The following TBC1D5 variants were observed in gnomAD, a reference collection of about 807,000 sequenced individuals.
The protein encoded by TBC1D5 is TBC1 domain family member 5, also known as TBC1 domain family, member 5.
In TBC1D5, 75 loss-of-function variants were observed where a neutral mutation model predicts 100.3. The observed-to-expected ratio is 0.75, with a 90% confidence interval of 0.62 to 0.91. The LOEUF is 0.91. Among genes scored for constraint, TBC1D5 ranks in the 40% least tolerant of loss-of-function variants. TBC1D5 has a pLI of 0.00. For synonymous variants in TBC1D5, 323 were observed against 325.6 expected, an observed-to-expected ratio of 0.99 and a Z score of 0.09; for missense variants, 910 against 942.4, an observed-to-expected ratio of 0.97 and a Z score of 0.45.
chr3:17,473,553 G>T (rs2095405575), intron 3 of TBC1D5, among the ~76,000 whole-genome samples: 2 of 152,104 alleles, frequency 1.3e-5, no homozygotes, highest in Admixed American at 1.3e-4. Flanking sequence ...AGAGAAAGAG[G>T]TTTTTCAACT....
At chr3:17,504,533 G>T (rs2095824041) in intron 3 of TBC1D5, among the ~76,000 whole-genome samples, 1 of 152,154 alleles carries the variant, frequency 6.6e-6, no homozygotes, top group Non-Finnish European at 1.5e-5. Context: ...AATGGCATGT[G>T]TGAAGGCCCA....
intron 1 of TBC1D5, among the ~76,000 whole-genome samples, chr3:17,712,571 T>C (rs137952570): frequency 1.3e-5 from 2 of 152,332 alleles, no homozygotes; most frequent in African/African-American, 4.8e-5. Flanking sequence ...GAAAACTACT[T>C]AGCCCAGTTT....
intron 1 of TBC1D5, among the ~76,000 whole-genome samples, chr3:17,638,084 ATTC>A (rs745710579): frequency 1.1e-4 from 17 of 152,052 alleles, no homozygotes; most frequent in Admixed American, 2.0e-4. Flanking sequence ...TTTTTACTTT[ATTC>A]TTCTTCTTTT....
intron 18 of TBC1D5, among the ~76,000 whole-genome samples, chr3:17,212,759 A>G (rs1045344407): frequency 2.0e-5 from 3 of 152,106 alleles, no homozygotes; most frequent in Non-Finnish European, 4.4e-5. Flanking sequence ...AAATAGAAAA[A>G]AGCTATAGAA....
chr3:17,372,353 C>T, intron 12 of TBC1D5, 106 bp from the exon 13 acceptor site: 3 of 1,010,380 alleles, frequency 3.0e-6, no homozygotes, highest in Non-Finnish European at 4.1e-6. Flanking sequence ...TTATTATCTG[C>T]CTACTACTCA....
At chr3:17,645,014 G>A (rs973733194) in intron 1 of TBC1D5, among the ~76,000 whole-genome samples, 3 of 152,070 alleles carry the variant, frequency 2.0e-5, no homozygotes, top group Non-Finnish European at 2.9e-5. Flanking sequence ...ACTATTAAAC[G>A]GGGTCACTGG....
At chr3:17,372,319 C>CCATATATTTAAACAAGAAGTCTTATTT (rs2092507563) in intron 12 of TBC1D5, 72 bp from the exon 13 acceptor site, 1 of 1,338,582 alleles carries the variant, frequency 7.5e-7, no homozygotes, top group Non-Finnish European at 1.0e-6. Context: ...CATTCTTTAT[C>CCATATATTTAAACAAGAAGTCTTATTT]AATGACAGTT....
intron 20 of TBC1D5, 108 bp downstream of exon 21, chr3:17,167,641 T>G: frequency 1.1e-6 from 1 of 934,696 alleles, no homozygotes; most frequent in African/African-American, 1.7e-5. Context: ...TGGGAGGAAA[T>G]GAGGGTTAGG....
chr3:17,726,085 A>C (rs1457725500), intron 1 of TBC1D5, among the ~76,000 whole-genome samples: 1 of 152,188 alleles, frequency 6.6e-6, no homozygotes, highest in Non-Finnish European at 1.5e-5. Flanking sequence ...CATGGTGTGT[A>C]TGTACCACAT....
chr3:17,178,255 C>T (rs1575763812), intron 19 of TBC1D5, among the ~76,000 whole-genome samples: 2 of 151,874 alleles, frequency 1.3e-5, no homozygotes, highest in Non-Finnish European at 2.9e-5. Flanking sequence ...TTAGTAGAGA[C>T]GGGGTTTCAC....
chr3:17,205,897 C>A lies in TBC1D5; in HGVS notation c.1752+8310G>T, dbSNP rs116767563. Among the ~76,000 whole-genome samples, 1,399 of 152,294 alleles carry A rather than the reference C, an allele frequency of 9.2e-3. 23 individuals carry two copies. The highest frequency in any genetic ancestry group is 0.031 in the African/African-American group (1,306 of 41,560). On this transcript the variant is annotated intron_variant, in intron 18 of 21. Coordinates refer to ENST00000253692, the Ensembl canonical transcript of TBC1D5. ...GAAAGATGGTGATGCTACTCAACAG[C>A]TGAATAATCCAACCGTAGACCTATT...
At chr3:17,657,573 G>C (rs78398054) in intron 1 of TBC1D5, among the ~76,000 whole-genome samples, 10,802 of 152,056 alleles carry the variant, frequency 0.071, 738 homozygotes, top group East Asian at 0.27. Context: ...CTGACCTCGT[G>C]ATCTGCCCGC....
intron 21 of TBC1D5, among the ~76,000 whole-genome samples, chr3:17,163,751 AGCAGC>A (rs1360893637): frequency 6.6e-6 from 1 of 152,228 alleles, no homozygotes; most frequent in African/African-American, 2.4e-5. Context: ...TACTCAATAC[AGCAGC>A]CCCTAGCCAC....
intron 2 of TBC1D5, among the ~76,000 whole-genome samples, chr3:17,569,330 C>T (rs2096612452): frequency 6.6e-6 from 1 of 151,678 alleles, no homozygotes; most frequent in Non-Finnish European, 1.5e-5. Flanking sequence ...CTAGAAAAGT[C>T]TATTCAATTT....
intron 13 of TBC1D5, among the ~76,000 whole-genome samples, chr3:17,325,074 AT>A (rs145999197): frequency 0.089 from 13,520 of 152,160 alleles, 1,367 homozygotes; most frequent in African/African-American, 0.25. Flanking sequence ...TTGAACATAT[AT>A]TTTATCAAAC....
intron 1 of TBC1D5, among the ~76,000 whole-genome samples, chr3:17,650,621 G>T (rs2065458119): frequency 6.6e-6 from 1 of 152,088 alleles, no homozygotes; most frequent in African/African-American, 2.4e-5. Flanking sequence ...TTTGAATTTG[G>T]TACGATTCTC....
intron 15 of TBC1D5, among the ~76,000 whole-genome samples, chr3:17,263,115 G>A (rs1157450321): frequency 6.7e-6 from 1 of 150,320 alleles, no homozygotes; most frequent in African/African-American, 2.5e-5. Context: ...GCTGAGGCAG[G>A]AGGATCACTT....
At chr3:17,260,619 AG>A (rs2078193554) in intron 15 of TBC1D5, among the ~76,000 whole-genome samples, 1 of 152,192 alleles carries the variant, frequency 6.6e-6, no homozygotes, top group South Asian at 2.1e-4. Context: ...ATAAAATCAG[AG>A]GTTATGGTTG....
At chr3:17,336,004 G>A (rs1258303383) in intron 13 of TBC1D5, among the ~76,000 whole-genome samples, 2 of 152,060 alleles carry the variant, frequency 1.3e-5, no homozygotes, top group Admixed American at 6.6e-5. Flanking sequence ...GAATTTCAAT[G>A]CATATAGCCA....
Sources: gnomAD v4.1 joint callset for allele counts (sites outside exome capture counted in the v4.1 genomes callset) on GRCh38, gnomAD v4.1.1 for gene constraint, MANE v1.5 for transcripts, NCBI Gene and HGNC (gene_info 2026-07-23, HGNC 2026-07-21) for gene names.